The following OTOGL variants were observed in gnomAD, a reference collection of about 807,000 sequenced individuals.
The protein encoded by OTOGL is otogelin like.
OTOGL carries 285 observed loss-of-function variants against 318.5 expected under a neutral mutation model. The observed-to-expected ratio is 0.89, with a 90% CI of 0.81 to 0.99. OTOGL has a LOEUF of 0.99. Ranked by LOEUF, OTOGL falls within the 50% of genes least tolerant of loss-of-function variation. OTOGL has a pLI of 0.00. For synonymous variants in OTOGL, 987 were observed against 936.5 expected (o/e 1.05, Z -0.99); for missense variants, 2,899 against 2,845.6 (o/e 1.02, Z -0.43).
In OTOGL at chr12:80,270,240, C is replaced by T. The variant is rs1883307036; in HGVS notation, c.2518+86C>T. On this transcript the variant is annotated intron_variant, in intron 23 of 58. Transcript: ENST00000547103. ...TGGCAGAAGTCATCAATCACCTCTTCTTCCCAATGTGCATGGCTATAGCCT... is the reference window on the plus strand; with the variant it reads ...TGGCAGAAGTCATCAATCACCTCTTTTTCCCAATGTGCATGGCTATAGCCT... 4 of 1,113,194 alleles carry T rather than the reference C, an allele frequency of 3.6e-6. No individual in the cohort carries two copies. In the Admixed American group the frequency reaches 8.1e-5, roughly 22 times the overall value. 69.0% of individuals were successfully genotyped at this position (1,113,194 alleles called of 1,614,324 possible). A position where few individuals can be genotyped will look rare whatever the true frequency, so the allele number is the denominator to read the frequency against.
Position 80,244,743 on chromosome 12 carries a change from A to C in OTOGL, c.1052+5304A>C, listed in dbSNP as rs867777099. ...TCTAGATCCCTGAGGAATCACCACA[A>C]TGACTTCCACAATGGTTGAACTAGT... On this transcript the variant is annotated intron_variant, in intron 11 of 58. Coordinates refer to ENST00000547103, the MANE Select transcript of OTOGL (RefSeq NM_001378609.3). Among the ~76,000 whole-genome samples the C allele has an allele frequency of 1.4e-3, 202 of 146,746 alleles. 10 individuals are homozygous for C. The highest frequency in any genetic ancestry group is 4.7e-3 in the African/African-American group (170 of 36,414).
At chr12:80,246,923 TC>T (rs1880949718) in intron 11 of OTOGL, among the ~76,000 whole-genome samples, 1 of 41,400 alleles carries the variant, frequency 2.4e-5, no homozygotes, top group Non-Finnish European at 4.6e-5. Context: ...TGTATCCATT[TC>T]TTCTAGATTT....
chr12:80,306,792 ATT>A lies in OTOGL; in HGVS notation c.3333+1100_3333+1101del, dbSNP rs1565970226. On this transcript the variant is annotated intron_variant, in intron 29 of 58. Coordinates refer to ENST00000547103, the MANE Select transcript of OTOGL (RefSeq NM_001378609.3). ...TATTTCTTTTTTTTTTTTAAATTTT[ATT>A]TTATTATTATTATTATTATTATTAT... Among the ~76,000 whole-genome samples, 14 of 80,640 alleles carry A rather than the reference ATT, an allele frequency of 1.7e-4. No homozygotes were observed. The East Asian group carries it at 7.1e-3, about 41-fold the overall frequency. 52.9% of individuals were successfully genotyped at this position (80,640 alleles called of 152,430 possible). A position where few individuals can be genotyped will look rare whatever the true frequency, so the allele number is the denominator to read the frequency against.
At chr12:80,189,485 C>A in intron 1 of OTOGL, 1 of 980,962 alleles carries the variant, frequency 1.0e-6, no homozygotes, top group Non-Finnish European at 1.2e-6. Context: ...ACTTCTCCTG[C>A]CCCCTTTAGC....
In OTOGL at chr12:80,310,623, G is replaced by A. The variant is rs764909839; in HGVS notation, c.3346G>A (p.Asp1116Asn). The A allele has an allele frequency of 1.3e-6, 2 of 1,589,250 alleles. No individual in the cohort carries two copies. Among genetic ancestry groups the A allele is most frequent in the Non-Finnish European group, 1.7e-6 (2 of 1,171,048 alleles). The change falls in exon 30 of 59, where the codon GAT becomes AAT. Residue 1116 changes from aspartate (D) to asparagine (N), a missense_variant. Asp to Asn is a conservative substitution (Grantham distance 23). This residue lies in a region of OTOGL where 2,607 missense variants were observed against 2,524.9 expected (regional missense o/e 1.03). Coordinates refer to ENST00000547103, the MANE Select transcript of OTOGL (RefSeq NM_001378609.3). ...SWALGQCESP[D>N]ETIKPCEAHQ... ...ATTTTTTCAACAGTGTGAAAGTCCA[G>A]ATGAAACAATTAAACCCTGTGAGGC...
intron 11 of OTOGL, among the ~76,000 whole-genome samples, chr12:80,249,784 T>G (rs1881324986): frequency 6.6e-6 from 1 of 152,138 alleles, no homozygotes; most frequent in Middle Eastern, 3.2e-3. Flanking sequence ...CCTTGCAGTT[T>G]GATCTCAGAC....
intron 20 of OTOGL, chr12:80,265,836 A>G (rs1389673122): frequency 6.5e-6 from 1 of 152,984 alleles, no homozygotes; most frequent in Non-Finnish European, 1.5e-5. Context: ...GCTGGTGTTG[A>G]CGTTAATTGC....
chr12:80,143,073 C>T (rs1872060050), intron 1 of OTOGL, among the ~76,000 whole-genome samples: 1 of 152,080 alleles, frequency 6.6e-6, no homozygotes, highest in Admixed American at 6.6e-5. Context: ...AGTTGGGTGG[C>T]AAAGGCTGAC....
intron 1 of OTOGL, chr12:80,133,677 G>A (rs1871373711): frequency 6.6e-6 from 1 of 152,252 alleles, no homozygotes; most frequent in East Asian, 1.9e-4. Flanking sequence ...AAAAAAGGCT[G>A]GGTGTGGTGG....
In OTOGL at chr12:80,279,144, A is replaced by G; in HGVS notation, c.2906A>G (p.Asp969Gly). The stretch of plus-strand genomic sequence containing the variant: ...GGACTAGAATATGACTATATCAGTG[A>G]TTGCCAGGTGTTTTTGATAAAGGTA... The part of the protein sequence containing the change: ...FDGLEYDYIS[D>G]CQVFLIKSAD... Residue 969 changes from aspartate (D) to glycine (G), a missense_variant, in exon 26 of 59, where the codon GAT (aspartate) becomes GGT (glycine). Around this residue, in one of 3 missense-constraint regions of OTOGL, gnomAD observed 2,607 missense variants for 2,524.9 expected, o/e 1.03. Transcript: ENST00000547103. The G allele has an allele frequency of 6.3e-7, 1 of 1,591,912 alleles. No homozygotes were observed. The highest frequency in any genetic ancestry group is 8.5e-7 in the Non-Finnish European group (1 of 1,175,824).
At chr12:80,131,410 C>CT (rs1211281657) in intron 1 of OTOGL, among the ~76,000 whole-genome samples, 2 of 152,144 alleles carry the variant, frequency 1.3e-5, no homozygotes, top group Admixed American at 1.3e-4. Flanking sequence ...GTCAGAGGCC[C>CT]TGAGGGCAGG....
At chr12:80,257,277 G>C (rs767486542) in intron 17 of OTOGL, among the ~76,000 whole-genome samples, 2 of 147,872 alleles carry the variant, frequency 1.4e-5, no homozygotes, top group Non-Finnish European at 3.0e-5. Flanking sequence ...CCAAATAAAT[G>C]GTGAGTTTTT....
intron 52 of OTOGL, among the ~76,000 whole-genome samples, chr12:80,360,411 C>T (rs184517573): frequency 4.1e-5 from 4 of 97,296 alleles, no homozygotes; most frequent in Admixed American, 1.1e-4. Context: ...TGTCTCTCCC[C>T]GCTCCCCTTT....
At chr12:80,148,808 C>G (rs1486669199) in intron 1 of OTOGL, among the ~76,000 whole-genome samples, 1 of 152,198 alleles carries the variant, frequency 6.6e-6, no homozygotes, top group African/African-American at 2.4e-5. Flanking sequence ...TTCATTTCAT[C>G]TTCTGTTGCT....
chr12:80,182,584 G>C (rs1875002934), intron 1 of OTOGL, among the ~76,000 whole-genome samples: 1 of 152,164 alleles, frequency 6.6e-6, no homozygotes, highest in Admixed American at 6.5e-5. Context: ...GCTTTTCCAG[G>C]GTAGAGAAGG....
chr12:80,140,127 G>A (rs962986112), intron 1 of OTOGL, among the ~76,000 whole-genome samples: 1 of 152,030 alleles, frequency 6.6e-6, no homozygotes, highest in Non-Finnish European at 1.5e-5. Context: ...CCTTTACTTT[G>A]TTCTCTCTAT....
chr12:80,204,142 G>A (rs73150355), intron 1 of OTOGL, among the ~76,000 whole-genome samples: 96 of 152,256 alleles, frequency 6.3e-4, no homozygotes, highest in Non-Finnish European at 1.0e-3. Flanking sequence ...AACCTTTTTT[G>A]TGGGCTGATC....
chr12:80,259,195 T>C (rs1040150379), intron 18 of OTOGL, among the ~76,000 whole-genome samples: 7 of 150,808 alleles, frequency 4.6e-5, no homozygotes, highest in African/African-American at 1.7e-4. Flanking sequence ...AAATCAACTA[T>C]ATATATAAAT....
chr12:80,349,698 T>G (rs772959303), intron 44 of OTOGL, among the ~76,000 whole-genome samples: 3 of 152,194 alleles, frequency 2.0e-5, no homozygotes, highest in Non-Finnish European at 4.4e-5. Flanking sequence ...GCAAGTATTC[T>G]GTGCAAAGTA....
Sources: gnomAD v4.1 joint callset for allele counts (sites outside exome capture counted in the v4.1 genomes callset) on GRCh38, gnomAD v4.1.1 for gene constraint, gnomAD v4.1.1 regional missense constraint, MANE v1.5 for transcripts, NCBI Gene and HGNC (gene_info 2026-07-23, HGNC 2026-07-21) for gene names.